Variants in ADAM22 observed in about 807,000 individuals in gnomAD.
ADAM22 encodes the protein ADAM metallopeptidase domain 22.
ADAM22 carries 65 observed loss-of-function variants against 144.6 expected under a neutral mutation model. The ratio of observed to expected loss-of-function variants is 0.45; its 90% CI spans 0.37 to 0.55. ADAM22 has a LOEUF of 0.55. Ranked by LOEUF, ADAM22 falls within the 20% of genes least tolerant of loss-of-function variation. The pLI is 0.00. For synonymous variants in ADAM22, 391 were observed against 412.6 expected (o/e 0.95, Z 0.63); for missense variants, 974 against 1,184.9 (o/e 0.82, Z 2.61).
chr7:88,033,742 T>C (rs1232009634), intron 3 of ADAM22, among the ~76,000 whole-genome samples: 1 of 152,210 alleles, frequency 6.6e-6, no homozygotes, highest in Admixed American at 6.5e-5. Flanking sequence ...CTTCTGTAGC[T>C]GAGCTGGCGT....
chr7:87,958,679 C>T (rs577497868), intron 2 of ADAM22, among the ~76,000 whole-genome samples: 46 of 152,194 alleles, frequency 3.0e-4, no homozygotes, highest in Non-Finnish European at 4.6e-4. Context: ...CCACCGTGCC[C>T]GGCCGACTTT....
chr7:88,131,488 T>G, intron 11 of ADAM22, 53 bp downstream of exon 11: 1 of 1,555,912 alleles, frequency 6.4e-7, no homozygotes, highest in Non-Finnish European at 8.8e-7. Context: ...TGTTAAATGC[T>G]TTATTGTGAC....
intron 4 of ADAM22, among the ~76,000 whole-genome samples, chr7:88,101,207 A>G (rs1321757276): frequency 9.8e-6 from 1 of 101,722 alleles, no homozygotes; most frequent in Non-Finnish European, 1.9e-5. Flanking sequence ...ATGTGTTACA[A>G]TATGCTGCCA....
At chr7:88,053,786 T>G (rs2129475152) in intron 3 of ADAM22, among the ~76,000 whole-genome samples, 1 of 152,374 alleles carries the variant, frequency 6.6e-6, no homozygotes, top group Admixed American at 6.5e-5. Flanking sequence ...ATTTACTAAA[T>G]ATTCCTCTGT....
At chr7:88,091,100 C>T (rs1215493443) in intron 4 of ADAM22, among the ~76,000 whole-genome samples, 1 of 152,060 alleles carries the variant, frequency 6.6e-6, no homozygotes, top group East Asian at 1.9e-4. Context: ...ATATTGCTGT[C>T]CTGTAGAAAG....
intron 2 of ADAM22, among the ~76,000 whole-genome samples, chr7:87,942,016 G>T (rs1842569144): frequency 6.6e-6 from 1 of 152,092 alleles, no homozygotes; most frequent in South Asian, 2.1e-4. Context: ...AATCTGTAAG[G>T]TCGGTAGTAT....
chr7:88,115,905 T>C (rs1827639693), intron 6 of ADAM22, among the ~76,000 whole-genome samples: 1 of 152,244 alleles, frequency 6.6e-6, no homozygotes. Context: ...TGAATTAATA[T>C]TATAGACTAC....
At chr7:88,082,255 A>T (rs1816925671) in intron 4 of ADAM22, among the ~76,000 whole-genome samples, 2 of 152,240 alleles carry the variant, frequency 1.3e-5, no homozygotes, top group Admixed American at 6.5e-5. Flanking sequence ...CCTATTTAGT[A>T]AATGGTGCTG....
At chr7:88,094,608 C>G (rs114054855) in intron 4 of ADAM22, among the ~76,000 whole-genome samples, 1 of 152,128 alleles carries the variant, frequency 6.6e-6, no homozygotes, top group Non-Finnish European at 1.5e-5. Context: ...TTTTTGCCTT[C>G]GTTTTCTCTT....
intron 29 of ADAM22, 49 bp from the exon 30 acceptor site, chr7:88,186,566 A>G (rs1438293168): frequency 1.6e-6 from 2 of 1,251,246 alleles, no homozygotes; most frequent in Non-Finnish European, 2.3e-6. Context: ...GTATTTTCAG[A>G]TTTTCTATCT....
At chr7:88,149,124 C>T in intron 18 of ADAM22, 67 bp downstream of exon 18, 2 of 1,064,966 alleles carry the variant, frequency 1.9e-6, no homozygotes, top group South Asian at 2.7e-5. Flanking sequence ...TGCACTGACC[C>T]TCAAAGAGAA....
rs952876172 is a variant in ADAM22, at chr7:88,201,782, C to T, written c.*5291C>T. 35 of 152,026 alleles carry T rather than the reference C, an allele frequency of 2.3e-4. No homozygotes were observed. Among genetic ancestry groups the T allele is most frequent in the African/African-American group, 7.7e-4 (32 of 41,380 alleles). The allele number at this position is 152,026 out of a possible 1,614,324, so 9.4% of individuals were successfully genotyped here. A position where few individuals can be genotyped will look rare whatever the true frequency, so the allele number is the denominator to read the frequency against. ...TTTTACAAAAAGGCATACAATGAGACGAATTCTTAAGATAATGCACATACA... is the reference window on the plus strand; with the variant it reads ...TTTTACAAAAAGGCATACAATGAGATGAATTCTTAAGATAATGCACATACA... On this transcript the variant is annotated 3_prime_UTR_variant, in exon 32 of 32. Coordinates refer to ENST00000413139, the MANE Select transcript of ADAM22 (RefSeq NM_001324418.2).
At chr7:87,995,612 C>A (rs1790994198) in intron 3 of ADAM22, among the ~76,000 whole-genome samples, 1 of 152,092 alleles carries the variant, frequency 6.6e-6, no homozygotes, top group South Asian at 2.1e-4. Context: ...AGGTTCTCAC[C>A]CAGACCTGCT....
At position 87,973,090 on chromosome 7, in the gene ADAM22, T is replaced by C. The variant is rs189641165; in HGVS notation, c.247-5246T>C. Among the ~76,000 whole-genome samples, 572 of 152,114 alleles carry C rather than the reference T, an allele frequency of 3.8e-3. 1 individual carries two copies. Among genetic ancestry groups the C allele is most frequent in the African/African-American group, 0.013 (547 of 41,478 alleles). ...GGCAACAAAAGCCAAAATTGACAAA[T>C]CGGATCTAATTAAGCTAAAGAGCTT... On this transcript the variant is annotated intron_variant, in intron 2 of 31. Transcript: ENST00000413139.
At chr7:88,101,840 T>C (rs1315876073) in intron 4 of ADAM22, among the ~76,000 whole-genome samples, 12 of 152,168 alleles carry the variant, frequency 7.9e-5, no homozygotes, top group Admixed American at 7.2e-4. Context: ...TAGAATGCAG[T>C]AAAATCACCT....
intron 2 of ADAM22, among the ~76,000 whole-genome samples, chr7:87,970,171 G>A (rs140274671): frequency 2.9e-4 from 44 of 152,216 alleles, no homozygotes; most frequent in African/African-American, 8.7e-4. Flanking sequence ...TTTGCCAGAA[G>A]TTCTCATAAG....
intron 1 of ADAM22, chr7:87,934,780 G>C (rs1194554862): frequency 1.5e-6 from 1 of 658,796 alleles, no homozygotes. Context: ...TCCTTCTGAA[G>C]AGGAATGGGG....
intron 2 of ADAM22, among the ~76,000 whole-genome samples, chr7:87,972,579 A>C (rs2129447534): frequency 6.6e-6 from 1 of 152,288 alleles, no homozygotes; most frequent in South Asian, 2.1e-4. Context: ...ATTGGGAAAA[A>C]CTACTTTAAA....
At chr7:88,007,435 T>C (rs561490906) in intron 3 of ADAM22, among the ~76,000 whole-genome samples, 53 of 152,206 alleles carry the variant, frequency 3.5e-4, no homozygotes, top group Middle Eastern at 6.8e-3. Flanking sequence ...GAGCCCGCAT[T>C]GCCAAGTCAA....
Sources: gnomAD v4.1 joint callset for allele counts (sites outside exome capture counted in the v4.1 genomes callset) on GRCh38, gnomAD v4.1.1 for gene constraint, MANE v1.5 for transcripts, NCBI Gene and HGNC (gene_info 2026-07-23, HGNC 2026-07-21) for gene names.